NCAM1: variants seen among roughly 807,000 people sequenced by gnomAD.
NCAM1 encodes antigen recognized by monoclonal antibody 5.1H11.
In NCAM1, 14 loss-of-function variants were observed where a neutral mutation model predicts 109.8. That is an observed-to-expected ratio of 0.13 (90% confidence interval 0.08 to 0.20). The LOEUF (loss-of-function observed/expected upper bound fraction) is 0.20, where lower values mean the gene tolerates loss of function less well. NCAM1 is among the 10% of genes least tolerant of loss of function. The probability of loss-of-function intolerance (pLI) is 1.00; values close to 1 mark genes in which losing one functional copy is unlikely to be tolerated. For missense variants in NCAM1, 774 were observed against 1,109.9 expected (o/e 0.70, Z 4.30); for synonymous variants, 418 against 442.9 (o/e 0.94, Z 0.70).
chr11:113,233,235 G>T lies in NCAM1; in HGVS notation c.1611G>T (p.Gly537=). 6.2e-7 allele frequency: 1 copy of T among 1,613,784 alleles called. No individual in the cohort carries two copies. Among genetic ancestry groups the T allele is most frequent in the Non-Finnish European group, 8.5e-7 (1 of 1,179,840 alleles). ...TTGATGAACCAGAGGCCACAGGTGG[G>T]GTGCCCATCCTCAAATACAAAGCTG... The part of the protein sequence containing the change: ...VQFDEPEATG[G]VPILKYKAEW... The change falls in exon 13 of 20, where the codon GGG becomes GGT. Residue 537 remains glycine (G), a synonymous_variant. Transcript: ENST00000316851. The surrounding 1 kb of genome is among the most constrained non-coding windows in gnomAD (Gnocchi z 4.5).
chr11:113,211,184 C>G (rs782587078), intron 7 of NCAM1, among the ~76,000 whole-genome samples: 2 of 152,190 alleles, frequency 1.3e-5, no homozygotes, highest in African/African-American at 4.8e-5. Flanking sequence ...CTTTTATTTC[C>G]TTTCCAGCCC....
In NCAM1 at chr11:113,235,049, C is replaced by T. The variant is rs375193862; in HGVS notation, c.1710C>T (p.Ile570=). ...TTATAACAGCCAGCATGGAGGGCAT[C>T]GTCACCATCGTGGGCCTGAAGCCCG... ...YDAKEASMEG[I]VTIVGLKPET... Residue 570 remains isoleucine (I), a synonymous_variant, in exon 14 of 20, where the codon ATC becomes ATT. Coordinates refer to ENST00000316851, the MANE Select transcript of NCAM1 (RefSeq NM_181351.5). 258 of 1,561,454 alleles carry T rather than the reference C, an allele frequency of 1.7e-4. No individual in the cohort carries two copies. Among genetic ancestry groups the T allele is most frequent in the Admixed American group, 7.1e-4 (37 of 51,876 alleles).
intron 1 of NCAM1, among the ~76,000 whole-genome samples, chr11:113,178,669 C>T (rs1482009020): frequency 6.6e-6 from 1 of 152,130 alleles, no homozygotes; most frequent in Non-Finnish European, 1.5e-5. Flanking sequence ...GGAGGAAAAG[C>T]TCATTGCAAA....
At chr11:113,056,124 G>A (rs782052658) in intron 1 of NCAM1, among the ~76,000 whole-genome samples, 1 of 149,338 alleles carries the variant, frequency 6.7e-6, no homozygotes, top group Non-Finnish European at 1.5e-5. Context: ...TGGAACCGGA[G>A]GTCTTTATGT....
intron 1 of NCAM1, among the ~76,000 whole-genome samples, chr11:113,165,776 C>A (rs1942772560): frequency 1.3e-5 from 2 of 151,624 alleles, no homozygotes; most frequent in African/African-American, 4.8e-5. Context: ...GGCTTCTCGC[C>A]TGGTCCGGTT....
In NCAM1 at chr11:113,276,791, A is replaced by G. The variant is rs1555126679; in HGVS notation, c.*1404A>G. The G allele has an allele frequency of 1.3e-5, 2 of 150,234 alleles. No homozygotes were observed. Among genetic ancestry groups the G allele is most frequent in the Non-Finnish European group, 3.0e-5 (2 of 67,624 alleles). The allele number at this position is 150,234 out of a possible 1,614,324, so 9.3% of individuals were successfully genotyped here. On this transcript the variant is annotated 3_prime_UTR_variant, in exon 20 of 20. Transcript: ENST00000316851. ...TCATAACACAACTTTCCTGGATTGG[A>G]AACCAAGTGGGGGAAAAAATACAGA...
intron 14 of NCAM1, among the ~76,000 whole-genome samples, chr11:113,237,508 G>C (rs1217181178): frequency 6.6e-6 from 1 of 152,232 alleles, no homozygotes; most frequent in Non-Finnish European, 1.5e-5. Context: ...GTTGGGGGAT[G>C]GAGCCTTCAG....
intron 1 of NCAM1, among the ~76,000 whole-genome samples, chr11:113,131,553 T>C (rs1454264807): frequency 6.6e-6 from 1 of 152,224 alleles, no homozygotes; most frequent in Non-Finnish European, 1.5e-5. Context: ...AAGGGGTATG[T>C]AAGTGAAGTC....
chr11:113,159,117 T>A (rs782572622), intron 1 of NCAM1, among the ~76,000 whole-genome samples: 2 of 152,226 alleles, frequency 1.3e-5, no homozygotes, highest in African/African-American at 2.4e-5. Flanking sequence ...TACATACTGA[T>A]GCCTGTGAGA....
rs372902478 is a variant in NCAM1 at position 113,207,246 on chromosome 11, C to G, written c.629-15C>G. The G allele has an allele frequency of 1.2e-6, 2 of 1,609,872 alleles. No homozygotes were observed. The highest frequency in any genetic ancestry group is 1.7e-6 in the Non-Finnish European group (2 of 1,176,232). ...AATTTTCACAACCACCCCATGACACCCTTTTTTCCTTCAGTGCCACCTACC... is the reference window on the plus strand; with the variant it reads ...AATTTTCACAACCACCCCATGACACGCTTTTTTCCTTCAGTGCCACCTACC... On this transcript the variant is annotated splice_polypyrimidine_tract_variant and intron_variant, in intron 5 of 19. Transcript: ENST00000316851.
intron 1 of NCAM1, among the ~76,000 whole-genome samples, chr11:113,042,265 T>C (rs1424183203): frequency 1.3e-5 from 2 of 152,112 alleles, no homozygotes; most frequent in Non-Finnish European, 2.9e-5. Flanking sequence ...ATCACCTCCT[T>C]TTCCTTCCAC....
chr11:113,112,357 G>T (rs1940482779), intron 1 of NCAM1, among the ~76,000 whole-genome samples: 1 of 152,044 alleles, frequency 6.6e-6, no homozygotes, highest in South Asian at 2.1e-4. Flanking sequence ...TTTTCCTTCT[G>T]ACCTCTAAAA....
At chr11:113,239,606 C>T (rs1359110536) in intron 14 of NCAM1, among the ~76,000 whole-genome samples, 3 of 147,500 alleles carry the variant, frequency 2.0e-5, no homozygotes, top group East Asian at 4.4e-4. Context: ...CCCGGGTTCA[C>T]GCCATACTCC....
intron 1 of NCAM1, among the ~76,000 whole-genome samples, chr11:113,013,715 A>G (rs1555074870): frequency 6.6e-6 from 1 of 152,178 alleles, no homozygotes; most frequent in Non-Finnish European, 1.5e-5. Flanking sequence ...GACTATTGCA[A>G]GACTGTGTGT....
chr11:113,001,801 G>C (rs1304524334), intron 1 of NCAM1, among the ~76,000 whole-genome samples: 1 of 151,716 alleles, frequency 6.6e-6, no homozygotes, highest in Non-Finnish European at 1.5e-5. Flanking sequence ...GGCTCATTTA[G>C]ATAAAAAAAA....
chr11:113,017,882 A>G (rs1458964691), intron 1 of NCAM1, among the ~76,000 whole-genome samples: 7 of 152,194 alleles, frequency 4.6e-5, no homozygotes, highest in African/African-American at 1.7e-4. Context: ...ATCTAATGCA[A>G]GTGATAGGGC....
At chr11:113,198,467 G>A (rs953816514) in intron 1 of NCAM1, among the ~76,000 whole-genome samples, 18 of 151,914 alleles carry the variant, frequency 1.2e-4, no homozygotes, top group African/African-American at 3.9e-4. Flanking sequence ...CACCTCCCGG[G>A]TTCAAGCAAT....
chr11:112,981,237 C>T (rs1473889551), intron 1 of NCAM1, among the ~76,000 whole-genome samples: 2 of 151,714 alleles, frequency 1.3e-5, no homozygotes, highest in Non-Finnish European at 2.9e-5. Context: ...TGATGTTTTC[C>T]AGTATTTTGT....
chr11:113,221,373 C>T (rs782313367), intron 9 of NCAM1, 48 bp downstream of exon 9: 7 of 1,537,392 alleles, frequency 4.6e-6, no homozygotes. Flanking sequence ...GAAAGCATTA[C>T]AGTTTAACTC....
Sources: allele counts gnomAD v4.1 joint callset (sites outside exome capture counted in the v4.1 genomes callset), GRCh38; gene constraint gnomAD v4.1.1; non-coding constraint Gnocchi (gnomAD v3.1); transcripts MANE v1.5; gene names NCBI Gene and HGNC (gene_info 2026-07-23, HGNC 2026-07-21).